KCND3: variants seen among roughly 807,000 people sequenced by gnomAD.
The protein encoded by KCND3 is potassium voltage-gated channel subfamily D member 3.
In KCND3, 9 loss-of-function variants were observed where a neutral mutation model predicts 51.1. The ratio of observed to expected loss-of-function variants is 0.18; its 90% CI spans 0.11 to 0.31. The LOEUF is 0.31. KCND3 is among the 10% of genes least tolerant of loss of function. The pLI is 1.00. For missense variants in KCND3, 526 were observed against 903.8 expected (o/e 0.58, Z 5.36); for synonymous variants, 349 against 368.0 (o/e 0.95, Z 0.59).
chr1:111,796,334 T>C (rs1040860090), intron 2 of KCND3, among the ~76,000 whole-genome samples: 6 of 152,138 alleles, frequency 3.9e-5, no homozygotes, highest in African/African-American at 9.7e-5. Context: ...TGAATGTTCA[T>C]TGCAGCACTA....
intron 2 of KCND3, among the ~76,000 whole-genome samples, chr1:111,928,781 C>T (rs541799662): frequency 1.6e-3 from 250 of 152,280 alleles, no homozygotes; most frequent in Middle Eastern, 3.4e-3. Flanking sequence ...CACGCACTCC[C>T]TACACAGCCC....
At position 111,982,507 on chromosome 1, in the gene KCND3, A is replaced by G; in HGVS notation, c.220T>C (p.Phe74Leu). The G allele has an allele frequency of 6.2e-7, 1 of 1,607,692 alleles. No homozygotes were observed. The highest frequency in any genetic ancestry group is 8.5e-7 in the Non-Finnish European group (1 of 1,175,028). ...TLLGSTEKEF[F>L]FNEDTKEYFF... The stretch of plus-strand genomic sequence containing the variant: ...TACTCCTTGGTGTCCTCGTTGAAGA[A>G]GAACTCCTTCTCCGTGCTGCCCAGC... The change falls in exon 2 of 8, where the codon TTC becomes CTC. Residue 74 changes from phenylalanine to leucine, a missense_variant. Physicochemically the swap from Phe to Leu is conservative, Grantham distance 22. Transcript: ENST00000302127. This position sits in a 1 kb window ranked among gnomAD's most constrained non-coding sequence, Gnocchi z 8.5.
intron 2 of KCND3, among the ~76,000 whole-genome samples, chr1:111,874,253 C>A (rs952379325): frequency 1.3e-5 from 2 of 152,206 alleles, no homozygotes; most frequent in South Asian, 2.1e-4. Flanking sequence ...TTAAACGAAT[C>A]ACCCCACTGC....
Position 111,982,643 on chromosome 1 carries a change from G to A in KCND3, c.84C>T (p.Pro28=), listed in dbSNP as rs1351324208. 3.1e-6 allele frequency: 5 copies of A among 1,613,478 alleles called. No individual in the cohort carries two copies. Among genetic ancestry groups the A allele is most frequent in the East Asian group, 2.2e-5 (1 of 44,868 alleles). The stretch of plus-strand genomic sequence containing the variant: ...GCTTGTTCTTGTCGGCCGGGGCCAG[G>A]GGCATGGGGCAGTTGGCCACCGGCA... ...GWMPVANCPM[P]LAPADKNKRQ... The change falls in exon 2 of 8, where the codon CCC becomes CCT. Residue 28 remains proline, a synonymous_variant. Coordinates refer to ENST00000302127, the MANE Select transcript of KCND3 (RefSeq NM_001378969.1). This position sits in a 1 kb window ranked among gnomAD's most constrained non-coding sequence, Gnocchi z 8.5.
intron 2 of KCND3, among the ~76,000 whole-genome samples, chr1:111,939,146 A>G (rs1349345006): frequency 6.6e-6 from 1 of 152,204 alleles, no homozygotes; most frequent in Admixed American, 6.5e-5. Context: ...ACATTTGAGA[A>G]GCTCTGTCCT....
At chr1:111,778,587 GCATTCCACCCTTTGAGTCAAA>G in intron 5 of KCND3, 95 bp from the exon 6 acceptor site, 1 of 1,174,750 alleles carries the variant, frequency 8.5e-7, no homozygotes, top group South Asian at 1.2e-5. Flanking sequence ...CTTGATCCCG[GCATTCCACCCTTTGAGTCAAA>G]CATTCCACCC....
chr1:111,843,506 G>A (rs1667418786), intron 2 of KCND3, among the ~76,000 whole-genome samples: 2 of 152,212 alleles, frequency 1.3e-5, no homozygotes, highest in South Asian at 2.1e-4. Context: ...TGCTTCTTTG[G>A]AGAGTGTCCA....
At chr1:111,933,976 GA>G (rs1213173515) in intron 2 of KCND3, among the ~76,000 whole-genome samples, 1 of 152,220 alleles carries the variant, frequency 6.6e-6, no homozygotes, top group African/African-American at 2.4e-5. Context: ...TCTGTTGACA[GA>G]AGCAAATTGA....
rs1216457569 is a variant in KCND3, at chr1:111,778,476, A to C, written c.1478T>G (p.Val493Gly). ...TCGTACAGATAACAGGGGATCATCC[A>C]CAAGATAGGACAACCCCTACAGGAC... ...LEKTTGLSYL[V>G]DDPLLSVRTS... The change falls in exon 6 of 8, where the codon GTG (valine) becomes GGG (glycine). Residue 493 changes from valine to glycine, a missense_variant. Transcript: ENST00000302127. 3.7e-6 allele frequency: 6 copies of C among 1,613,906 alleles called. No individual in the cohort carries two copies. Among genetic ancestry groups the C allele is most frequent in the Non-Finnish European group, 5.1e-6 (6 of 1,179,876 alleles).
chr1:111,830,566 G>C (rs1202642174), intron 2 of KCND3, among the ~76,000 whole-genome samples: 1 of 152,198 alleles, frequency 6.6e-6, no homozygotes, highest in African/African-American at 2.4e-5. Context: ...AAGAGTGGGT[G>C]GCTCCTTAGG....
chr1:111,984,551 T>C (rs919203056), intron 1 of KCND3, among the ~76,000 whole-genome samples: 7 of 152,196 alleles, frequency 4.6e-5, no homozygotes, highest in Non-Finnish European at 8.8e-5. Flanking sequence ...CGGTTTCTCC[T>C]ATTCCCCTGA....
intron 2 of KCND3, among the ~76,000 whole-genome samples, chr1:111,803,149 C>G (rs1339290171): frequency 6.6e-6 from 1 of 152,176 alleles, no homozygotes; most frequent in African/African-American, 2.4e-5. Context: ...TCTCTGTTTC[C>G]TGCCCTCTAG....
At chr1:111,901,494 T>C (rs1402581845) in intron 2 of KCND3, among the ~76,000 whole-genome samples, 1 of 152,220 alleles carries the variant, frequency 6.6e-6, no homozygotes, top group Non-Finnish European at 1.5e-5. Flanking sequence ...ATATTCATAG[T>C]GCACTGGCTG....
At chr1:111,936,863 C>A (rs575535520) in intron 2 of KCND3, among the ~76,000 whole-genome samples, 3 of 152,182 alleles carry the variant, frequency 2.0e-5, no homozygotes, top group Non-Finnish European at 4.4e-5. Context: ...ATCTCCAGTG[C>A]CTAGCACATT....
At chr1:111,875,357 A>C (rs1457817013) in intron 2 of KCND3, among the ~76,000 whole-genome samples, 26 of 152,236 alleles carry the variant, frequency 1.7e-4, no homozygotes. Context: ...GAGACAGCCT[A>C]GATCTATTTT....
At chr1:111,849,196 T>C (rs1468227851) in intron 2 of KCND3, among the ~76,000 whole-genome samples, 2 of 152,094 alleles carry the variant, frequency 1.3e-5, no homozygotes, top group Non-Finnish European at 2.9e-5. Context: ...CTACCCAAAG[T>C]GGGTGCTGCT....
intron 2 of KCND3, among the ~76,000 whole-genome samples, chr1:111,979,249 C>A (rs772175956): frequency 6.6e-6 from 1 of 152,162 alleles, no homozygotes; most frequent in Non-Finnish European, 1.5e-5. Flanking sequence ...AAAATGAGAC[C>A]AAGATACTCC....
intron 2 of KCND3, among the ~76,000 whole-genome samples, chr1:111,838,185 T>C (rs1408703703): frequency 1.3e-5 from 2 of 152,222 alleles, no homozygotes; most frequent in African/African-American, 4.8e-5. Context: ...CTCCAGCTCC[T>C]TGAGGGTGGG....
At chr1:111,897,248 G>T (rs374089358) in intron 2 of KCND3, among the ~76,000 whole-genome samples, 2 of 152,200 alleles carry the variant, frequency 1.3e-5, no homozygotes, top group Non-Finnish European at 2.9e-5. Flanking sequence ...GTCCCAGGGC[G>T]GCCTGCCTCT....
Sources: allele counts gnomAD v4.1 joint callset (sites outside exome capture counted in the v4.1 genomes callset), GRCh38; gene constraint gnomAD v4.1.1; non-coding constraint Gnocchi (gnomAD v3.1); transcripts MANE v1.5; gene names NCBI Gene and HGNC (gene_info 2026-07-23, HGNC 2026-07-21).